The following VDAC1 variants were observed in gnomAD, a reference collection of about 807,000 sequenced individuals.
VDAC1 encodes the protein non-selective voltage-gated ion channel VDAC1.
VDAC1 carries 10 observed loss-of-function variants against 34.7 expected under a neutral mutation model. That is an observed-to-expected ratio of 0.29 (90% CI 0.18 to 0.49). The LOEUF (loss-of-function observed/expected upper bound fraction) is 0.49, where lower values mean the gene tolerates loss of function less well. VDAC1 is among the 20% of genes least tolerant of loss of function. The pLI, the probability that VDAC1 is intolerant of heterozygous loss-of-function variation, is 0.99. For missense variants in VDAC1, 230 were observed against 347.9 expected (o/e 0.66, Z 2.69); for synonymous variants, 130 against 136.0 (o/e 0.96, Z 0.30).
intron 3 of VDAC1, among the ~76,000 whole-genome samples, chr5:133,991,958 C>T (rs1163139038): frequency 1.3e-5 from 2 of 152,116 alleles, no homozygotes; most frequent in Non-Finnish European, 2.9e-5. Flanking sequence ...AAAAATAAGC[C>T]AGGCGCAGTG....
At chr5:133,984,854 G>A (rs1458217876) in intron 5 of VDAC1, among the ~76,000 whole-genome samples, 2 of 152,084 alleles carry the variant, frequency 1.3e-5, no homozygotes, top group Admixed American at 6.6e-5. Context: ...AAGAATCGCT[G>A]GAACCCGGGA....
chr5:134,071,072 G>T, the VDAC1 span, among the ~76,000 whole-genome samples: 1 of 152,314 alleles, frequency 6.6e-6, no homozygotes, highest in East Asian at 1.9e-4. This position sits in a 1 kb window ranked among gnomAD's most constrained non-coding sequence, Gnocchi z 4.1. Context: ...GTCCCGAGGG[G>T]TGACCAATCT....
chr5:134,063,519 G>A, the VDAC1 span, among the ~76,000 whole-genome samples: 1 of 152,190 alleles, frequency 6.6e-6, no homozygotes, highest in Non-Finnish European at 1.5e-5. Flanking sequence ...ACAAGCAGAG[G>A]CTTGAAAAAC....
the VDAC1 span, among the ~76,000 whole-genome samples, chr5:134,066,962 G>C: frequency 6.6e-6 from 1 of 151,934 alleles, no homozygotes; most frequent in African/African-American, 2.4e-5. Flanking sequence ...AGATATCTAG[G>C]GTTAAGTAAT....
chr5:134,112,494 A>G, the VDAC1 span, among the ~76,000 whole-genome samples: 1 of 151,608 alleles, frequency 6.6e-6, no homozygotes, highest in African/African-American at 2.4e-5. Context: ...CACTCTCCCT[A>G]CTCACCCACC....
At chr5:134,107,154 G>A in the VDAC1 span, among the ~76,000 whole-genome samples, 1 of 152,234 alleles carries the variant, frequency 6.6e-6, no homozygotes, top group African/African-American at 2.4e-5. Context: ...CCTGCAGCTG[G>A]TCAGATGCCT....
the VDAC1 span, among the ~76,000 whole-genome samples, chr5:134,055,619 T>TTTTTTTTA: frequency 9.1e-6 from 1 of 109,444 alleles, no homozygotes; most frequent in African/African-American, 3.1e-5. Context: ...TTTTTTTTTT[T>TTTTTTTTA]AGTAGAGACA....
intron 1 of VDAC1, among the ~76,000 whole-genome samples, chr5:134,000,800 C>T (rs1223492990): frequency 6.6e-6 from 1 of 152,148 alleles, no homozygotes; most frequent in African/African-American, 2.4e-5. Flanking sequence ...GGAATACACA[C>T]AGTATTTTAT....
At chr5:134,065,789 A>ATTTTTTTTTTTTTTTTTTTTTTTTTTT in the VDAC1 span, among the ~76,000 whole-genome samples, 1 of 99,850 alleles carries the variant, frequency 1.0e-5, no homozygotes, top group Non-Finnish European at 1.9e-5. Context: ...CAGATAGTAA[A>ATTTTTTTTTTTTTTTTTTTTTTTTTTT]TTTTTTTTTT....
chr5:134,078,139 G>A, the VDAC1 span, among the ~76,000 whole-genome samples: 11 of 152,308 alleles, frequency 7.2e-5, no homozygotes, highest in East Asian at 7.7e-4. Context: ...ATGCCAGACC[G>A]TCCTTGACTG....
chr5:134,012,265 C>T, the VDAC1 span, among the ~76,000 whole-genome samples: 1 of 152,170 alleles, frequency 6.6e-6, no homozygotes, highest in Admixed American at 6.5e-5. Flanking sequence ...ATTTCAGACT[C>T]CTGACCTCTA....
chr5:134,055,993 C>T, the VDAC1 span, among the ~76,000 whole-genome samples: 1 of 151,882 alleles, frequency 6.6e-6, no homozygotes, highest in African/African-American at 2.4e-5. Flanking sequence ...AATCCCAGCA[C>T]TTTGGGAGGC....
the VDAC1 span, among the ~76,000 whole-genome samples, chr5:134,068,802 T>C: frequency 6.6e-6 from 1 of 152,232 alleles, no homozygotes; most frequent in South Asian, 2.1e-4. Context: ...TCCATTGTCT[T>C]CTGCCGAAAT....
chr5:134,106,642 G>A, the VDAC1 span, among the ~76,000 whole-genome samples: 8 of 152,098 alleles, frequency 5.3e-5, no homozygotes, highest in Admixed American at 1.3e-4. Context: ...TCCTGACCTC[G>A]TGATCCACCC....
At chr5:134,108,207 C>G in the VDAC1 span, among the ~76,000 whole-genome samples, 18 of 151,968 alleles carry the variant, frequency 1.2e-4, no homozygotes, top group African/African-American at 4.4e-4. Flanking sequence ...AGCTAACAAA[C>G]GAACTGGAAA....
the VDAC1 span, among the ~76,000 whole-genome samples, chr5:134,024,640 C>A: frequency 2.0e-5 from 3 of 150,964 alleles, no homozygotes; most frequent in Non-Finnish European, 4.4e-5. Context: ...ATGACTGCAG[C>A]AAAATAAAAA....
chr5:133,976,198 G>A (rs1752474413), intron 6 of VDAC1, 177 bp from the exon 7 acceptor site: 8 of 704,134 alleles, frequency 1.1e-5, no homozygotes, highest in Non-Finnish European at 1.9e-5. Flanking sequence ...ATTACAGGAA[G>A]TCTGATAAGT....
At chr5:133,989,561 T>C (rs1288294057) in intron 5 of VDAC1, among the ~76,000 whole-genome samples, 2 of 152,078 alleles carry the variant, frequency 1.3e-5, no homozygotes, top group Admixed American at 6.6e-5. Flanking sequence ...GGTTTTGCCA[T>C]GTTGCCCAGG....
the VDAC1 span, among the ~76,000 whole-genome samples, chr5:134,109,635 T>C: frequency 6.6e-6 from 1 of 152,058 alleles, no homozygotes; most frequent in Non-Finnish European, 1.5e-5. Context: ...CCGAGCGTGG[T>C]GGCAGGTGCC....
Sources: allele counts gnomAD v4.1 joint callset (sites outside exome capture counted in the v4.1 genomes callset), GRCh38; gene constraint gnomAD v4.1.1; non-coding constraint Gnocchi (gnomAD v3.1); transcripts MANE v1.5; gene names NCBI Gene and HGNC (gene_info 2026-07-23, HGNC 2026-07-21).